Variants in PTCHD4 observed in about 807,000 individuals in gnomAD.
PTCHD4 encodes the protein patched domain containing 4, also known as patched domain-containing protein 4.
PTCHD4 carries 33 observed loss-of-function variants against 58.1 expected under a neutral mutation model. The observed-to-expected ratio is 0.57, with a 90% CI of 0.43 to 0.76. The LOEUF (loss-of-function observed/expected upper bound fraction) is 0.76, where lower values mean the gene tolerates loss of function less well. Among genes scored for constraint, PTCHD4 ranks in the 30% least tolerant of loss-of-function variants. The pLI is 0.00. For synonymous variants in PTCHD4, 478 were observed against 409.6 expected (o/e 1.17, Z -2.02); for missense variants, 1,058 against 1,027.1 (o/e 1.03, Z -0.41).
chr6:47,950,729 G>A (rs369317380), intron 4 of PTCHD4, among the ~76,000 whole-genome samples: 12 of 152,100 alleles, frequency 7.9e-5, no homozygotes, highest in African/African-American at 2.2e-4. Context: ...GGGGGATGAC[G>A]GAACATAGAT....
rs138784106 is a variant in PTCHD4 at position 47,963,856 on chromosome 6, G to A, written c.898+44778C>T. 3.2e-3 allele frequency among the ~76,000 whole-genome samples: 493 copies of A among 152,162 alleles called. 5 individuals are homozygous for A. The highest frequency in any genetic ancestry group is 0.011 in the African/African-American group (464 of 41,512). On this transcript the variant is annotated intron_variant, in intron 4 of 4. Coordinates refer to ENST00000339488, the MANE Select transcript of PTCHD4 (RefSeq NM_001384253.1). ...CAACTAAACTTTACTGCTGTAGTAG[G>A]GTATCTTCTGCTAATTATTGCAAAG... is the stretch of plus-strand genomic sequence containing the variant.
At chr6:47,884,432 AC>A (rs2114109052) in intron 4 of PTCHD4, among the ~76,000 whole-genome samples, 1 of 152,158 alleles carries the variant, frequency 6.6e-6, no homozygotes, top group South Asian at 2.1e-4. Context: ...CTGCAGTTCC[AC>A]CCTTACTCAG....
At chr6:48,020,385 A>G (rs771573708) in intron 3 of PTCHD4, among the ~76,000 whole-genome samples, 15 of 152,106 alleles carry the variant, frequency 9.9e-5, no homozygotes, top group South Asian at 4.1e-4. Context: ...CTTGGAAAAA[A>G]TTTACTTTCT....
intron 4 of PTCHD4, among the ~76,000 whole-genome samples, chr6:47,950,480 G>A (rs1766600671): frequency 6.6e-6 from 1 of 152,158 alleles, no homozygotes; most frequent in African/African-American, 2.4e-5. Context: ...GATATTGGAT[G>A]AGAAAGATGA....
chr6:48,070,601 T>C (rs1220482058), intron 1 of PTCHD4, among the ~76,000 whole-genome samples: 1 of 152,230 alleles, frequency 6.6e-6, no homozygotes, highest in African/African-American at 2.4e-5. Context: ...ATAGCTTCTA[T>C]ATTATCTCTG....
chr6:47,975,560 G>T (rs1442799499), intron 4 of PTCHD4, among the ~76,000 whole-genome samples: 4 of 152,052 alleles, frequency 2.6e-5, no homozygotes, highest in Non-Finnish European at 5.9e-5. Context: ...TACTAATCTT[G>T]TCTTGCATTG....
chr6:48,000,601 GT>G (rs1470959651), intron 4 of PTCHD4, among the ~76,000 whole-genome samples: 2 of 152,124 alleles, frequency 1.3e-5, no homozygotes, highest in Non-Finnish European at 2.9e-5. Context: ...CCTTCCCCAA[GT>G]TTGTTCTCAG....
At chr6:48,079,492 AAAC>A (rs1392598023) in intron 1 of PTCHD4, among the ~76,000 whole-genome samples, 1 of 152,056 alleles carries the variant, frequency 6.6e-6, no homozygotes, top group African/African-American at 2.4e-5. Context: ...ACTGTAAAGA[AAAC>A]AACAATAGAA....
At chr6:47,990,795 G>C (rs1452864671) in intron 4 of PTCHD4, among the ~76,000 whole-genome samples, 4 of 151,986 alleles carry the variant, frequency 2.6e-5, no homozygotes, top group Non-Finnish European at 4.4e-5. Context: ...ACAGGAAACA[G>C]GTATAGACAT....
chr6:48,079,933 T>C (rs1347412333), intron 1 of PTCHD4, among the ~76,000 whole-genome samples: 2 of 151,244 alleles, frequency 1.3e-5, no homozygotes, highest in African/African-American at 2.4e-5. Context: ...AAGAACTAGT[T>C]GCTCTTATAC....
At chr6:48,055,656 G>C (rs1323930138) in intron 3 of PTCHD4, among the ~76,000 whole-genome samples, 1 of 152,204 alleles carries the variant, frequency 6.6e-6, no homozygotes, top group Admixed American at 6.5e-5. Context: ...GCTAATATCA[G>C]CTTTATGTGC....
rs145840291 is a variant in PTCHD4, at chr6:47,878,820, G to C, written c.2015C>G (p.Thr672Ser). Residue 672 changes from threonine to serine, a missense_variant, in exon 5 of 5, where the codon ACT (threonine) becomes AGT (serine). Thr to Ser is a moderately conservative substitution (Grantham distance 58, BLOSUM62 1). Coordinates refer to ENST00000339488, the MANE Select transcript of PTCHD4 (RefSeq NM_001384253.1). The stretch of plus-strand genomic sequence containing the variant: ...CAGAGGGTGGATCACTAGGAAAAAA[G>C]TCAGGATTAACACCAGGAGAACACC... ...GFGVLLVLIL[T>S]FFLVIHPLGN... 2 of 1,613,518 alleles carry C rather than the reference G, an allele frequency of 1.2e-6. No individual in the cohort carries two copies. Among genetic ancestry groups the C allele is most frequent in the Non-Finnish European group, 1.7e-6 (2 of 1,179,752 alleles).
At chr6:47,946,038 C>T (rs1365909936) in intron 4 of PTCHD4, among the ~76,000 whole-genome samples, 1 of 151,848 alleles carries the variant, frequency 6.6e-6, no homozygotes, top group Non-Finnish European at 1.5e-5. Context: ...TTTTCTTATT[C>T]ATTTCTAACA....
rs770152940 is a variant in PTCHD4 at position 47,878,749 on chromosome 6, C to T, written c.2086G>A (p.Val696Ile). 9 of 1,613,468 alleles carry T rather than the reference C, an allele frequency of 5.6e-6. No homozygotes were observed. Among genetic ancestry groups the T allele is most frequent in the African/African-American group, 5.3e-5 (4 of 74,866 alleles). Residue 696 changes from valine to isoleucine, a missense_variant, in exon 5 of 5, where the codon GTT becomes ATT. By Grantham distance (29) the Val-to-Ile change is conservative. Coordinates refer to ENST00000339488, the MANE Select transcript of PTCHD4 (RefSeq NM_001384253.1). ...TTCCATAATGTCATTAAGCCCAGAA[C>T]GCCCAGCTCAATTGAGGTGACGCTA... ...ILSVTSIELG[V>I]LGLMTLWNVD...
At chr6:47,946,116 T>C (rs981049323) in intron 4 of PTCHD4, among the ~76,000 whole-genome samples, 1 of 152,078 alleles carries the variant, frequency 6.6e-6, no homozygotes, top group Non-Finnish European at 1.5e-5. Flanking sequence ...AATCTTGATA[T>C]AAGGTCCAGA....
At chr6:48,067,825 T>G (rs1490411230) in intron 3 of PTCHD4, among the ~76,000 whole-genome samples, 1 of 152,130 alleles carries the variant, frequency 6.6e-6, no homozygotes, top group Non-Finnish European at 1.5e-5. Context: ...CATTTTTCTT[T>G]TTTTTTTTAT....
intron 3 of PTCHD4, among the ~76,000 whole-genome samples, chr6:48,036,740 T>C (rs1445315175): frequency 1.3e-5 from 2 of 152,010 alleles, no homozygotes; most frequent in Non-Finnish European, 2.9e-5. Flanking sequence ...AAGTTGTTAA[T>C]AAGAAAAGAA....
At position 47,861,818 on chromosome 6, in the gene PTCHD4, C is replaced by T. The variant is rs960555762; in HGVS notation, c.*16485G>A. Among the ~76,000 whole-genome samples, 30 of 151,942 alleles carry T rather than the reference C, an allele frequency of 2.0e-4. No homozygotes were observed. Among genetic ancestry groups the T allele is most frequent in the Admixed American group, 3.9e-4 (6 of 15,208 alleles). ...GCAATTTGAACTGCTTTGTCCCTCA[C>T]ACAGGACTTTGTACATCACTTGGCA... On this transcript the variant is annotated 3_prime_UTR_variant, in exon 5 of 5. Coordinates refer to ENST00000339488, the MANE Select transcript of PTCHD4 (RefSeq NM_001384253.1).
chr6:48,069,071 TG>T lies in PTCHD4; in HGVS notation c.-115del, dbSNP rs918519410. 6.8e-5 allele frequency among the ~76,000 whole-genome samples: 9 copies of T among 132,130 alleles called. No homozygotes were observed. Among genetic ancestry groups the T allele is most frequent in the Non-Finnish European group, 1.3e-4 (8 of 63,872 alleles). 86.7% of individuals were successfully genotyped at this position (132,130 alleles called of 152,430 possible). On this transcript the variant is annotated 5_prime_UTR_variant, in exon 2 of 5. The change abolishes the stop of an existing upstream ORF in the 5' untranslated region. Transcript: ENST00000339488. ...ACAGATGTGGATTTCCTCTCTGTCTTGGTGGGGTTCGGTGCCTAACTGGAAC... is the reference window on the plus strand; with the variant it reads ...ACAGATGTGGATTTCCTCTCTGTCTTGTGGGGTTCGGTGCCTAACTGGAAC...
Sources: allele counts gnomAD v4.1 joint callset (sites outside exome capture counted in the v4.1 genomes callset), GRCh38; gene constraint gnomAD v4.1.1; transcripts MANE v1.5; gene names NCBI Gene and HGNC (gene_info 2026-07-23, HGNC 2026-07-21).